Variants in STXBP5L observed in about 807,000 individuals in gnomAD.
The protein encoded by STXBP5L is syntaxin-binding protein 5-like.
In STXBP5L, 65 loss-of-function variants were observed where a neutral mutation model predicts 144.5. The observed-to-expected ratio is 0.45, with a 90% CI of 0.37 to 0.55. The LOEUF (loss-of-function observed/expected upper bound fraction) is 0.55. Among genes scored for constraint, STXBP5L ranks in the 20% least tolerant of loss-of-function variants. The pLI, the probability that STXBP5L is intolerant of heterozygous loss-of-function variation, is 0.00. For missense variants in STXBP5L, 1,298 were observed against 1,405.5 expected, an observed-to-expected ratio of 0.92 and a Z score of 1.22; for synonymous variants, 505 against 469.6, an observed-to-expected ratio of 1.08 and a Z score of -0.97.
chr3:121,400,864 G>A (rs2046855662), intron 22 of STXBP5L, among the ~76,000 whole-genome samples: 1 of 151,988 alleles, frequency 6.6e-6, no homozygotes, highest in African/African-American at 2.4e-5. Flanking sequence ...CAAAATAGAG[G>A]TTAAATGTTC....
At chr3:120,965,967 G>T (rs1325576492) in intron 3 of STXBP5L, among the ~76,000 whole-genome samples, 1 of 152,006 alleles carries the variant, frequency 6.6e-6, no homozygotes, top group East Asian at 1.9e-4. Flanking sequence ...TAAAGGCTTT[G>T]TTCGTTTCTT....
At chr3:120,918,805 G>T (rs562313477) in intron 2 of STXBP5L, among the ~76,000 whole-genome samples, 3 of 152,238 alleles carry the variant, frequency 2.0e-5, no homozygotes, top group African/African-American at 7.2e-5. Flanking sequence ...TTTGTGTAAA[G>T]TCACAGGTTT....
At chr3:120,994,248 C>G (rs1259425470) in intron 3 of STXBP5L, among the ~76,000 whole-genome samples, 2 of 152,050 alleles carry the variant, frequency 1.3e-5, no homozygotes, top group East Asian at 1.9e-4. Flanking sequence ...GACAGTTTGA[C>G]TTCCTCTTTT....
At chr3:121,105,164 G>A (rs1309500793) in intron 5 of STXBP5L, among the ~76,000 whole-genome samples, 16 of 152,136 alleles carry the variant, frequency 1.1e-4, no homozygotes, top group Admixed American at 6.6e-4. Flanking sequence ...TTAGGAAGCC[G>A]AGGTGGGTGT....
intron 5 of STXBP5L, among the ~76,000 whole-genome samples, chr3:121,058,236 T>G (rs1948591429): frequency 6.6e-6 from 1 of 152,216 alleles, no homozygotes; most frequent in African/African-American, 2.4e-5. Context: ...TTTGGTTTTC[T>G]GTTCTTGTGT....
At chr3:120,977,063 A>C (rs372672050) in intron 3 of STXBP5L, among the ~76,000 whole-genome samples, 1 of 152,082 alleles carries the variant, frequency 6.6e-6, no homozygotes, top group Non-Finnish European at 1.5e-5. Context: ...TATTAGGTCC[A>C]CTTGGTGCAG....
intron 20 of STXBP5L, among the ~76,000 whole-genome samples, chr3:121,378,383 A>G (rs1275217321): frequency 6.6e-6 from 1 of 152,164 alleles, no homozygotes; most frequent in Non-Finnish European, 1.5e-5. Flanking sequence ...CCAAGCACTT[A>G]AAGTACTTTC....
chr3:121,084,871 C>A (rs1576896474), intron 5 of STXBP5L, among the ~76,000 whole-genome samples: 1 of 152,172 alleles, frequency 6.6e-6, no homozygotes, highest in East Asian at 1.9e-4. Context: ...GTCTCGCCAG[C>A]ATCTGTTGTT....
intron 10 of STXBP5L, among the ~76,000 whole-genome samples, chr3:121,214,884 G>T (rs529573198): frequency 2.0e-5 from 3 of 152,194 alleles, no homozygotes; most frequent in East Asian, 1.9e-4. Flanking sequence ...ATGAATCTGG[G>T]TGCTCCTGTA....
At chr3:121,151,861 T>C (rs1160921503) in intron 7 of STXBP5L, among the ~76,000 whole-genome samples, 1 of 152,098 alleles carries the variant, frequency 6.6e-6, no homozygotes, top group Admixed American at 6.6e-5. Context: ...TGACTGAGTC[T>C]TAAAGATGAT....
At chr3:120,981,716 T>C (rs973435993) in intron 3 of STXBP5L, among the ~76,000 whole-genome samples, 3 of 152,252 alleles carry the variant, frequency 2.0e-5, no homozygotes, top group East Asian at 1.9e-4. Context: ...AGAAAGCTGA[T>C]GTGATCCTTT....
intron 9 of STXBP5L, among the ~76,000 whole-genome samples, chr3:121,201,538 A>C: frequency 6.6e-6 from 1 of 152,084 alleles, no homozygotes; most frequent in African/African-American, 2.4e-5. Flanking sequence ...TTATGTGTGA[A>C]TTTGATCCTA....
At chr3:121,117,287 G>A (rs1300206217) in intron 6 of STXBP5L, among the ~76,000 whole-genome samples, 2 of 151,604 alleles carry the variant, frequency 1.3e-5, no homozygotes, top group South Asian at 2.1e-4. Context: ...GTGTTTTATC[G>A]AGTTGTACAT....
chr3:121,405,116 C>G (rs1396254201), intron 22 of STXBP5L, among the ~76,000 whole-genome samples: 2 of 151,956 alleles, frequency 1.3e-5, no homozygotes, highest in Non-Finnish European at 2.9e-5. Context: ...CAGATTAGAG[C>G]CATACCCTTA....
intron 10 of STXBP5L, among the ~76,000 whole-genome samples, chr3:121,211,783 T>C (rs1026444992): frequency 7.9e-5 from 12 of 151,984 alleles, no homozygotes; most frequent in African/African-American, 2.4e-4. Flanking sequence ...GGTTACACCA[T>C]GTTGGCCAGG....
chr3:121,132,067 G>A (rs1391485098), intron 7 of STXBP5L, among the ~76,000 whole-genome samples: 1 of 152,136 alleles, frequency 6.6e-6, no homozygotes, highest in Non-Finnish European at 1.5e-5. Flanking sequence ...TTCCAAAGGG[G>A]CTCCCCAGAG....
At chr3:121,338,486 A>C (rs1017793395) in intron 20 of STXBP5L, among the ~76,000 whole-genome samples, 3 of 151,622 alleles carry the variant, frequency 2.0e-5, no homozygotes, top group African/African-American at 7.3e-5. Flanking sequence ...TCTACTAAAA[A>C]TACAAAAATT....
intron 3 of STXBP5L, among the ~76,000 whole-genome samples, chr3:120,960,675 C>G (rs1027530711): frequency 6.6e-6 from 1 of 152,040 alleles, no homozygotes; most frequent in African/African-American, 2.4e-5. Flanking sequence ...AAACCAAATA[C>G]CGCGTGTTCT....
chr3:121,192,077 C>T (rs2047715933), intron 9 of STXBP5L, among the ~76,000 whole-genome samples: 1 of 152,034 alleles, frequency 6.6e-6, no homozygotes, highest in Non-Finnish European at 1.5e-5. Flanking sequence ...CACATGTAGC[C>T]TAGAACCGAA....
Sources: allele counts gnomAD v4.1 joint callset (sites outside exome capture counted in the v4.1 genomes callset), GRCh38; gene constraint gnomAD v4.1.1; transcripts MANE v1.5; gene names NCBI Gene and HGNC (gene_info 2026-07-23, HGNC 2026-07-21).